EPHA6: variants seen among roughly 807,000 people sequenced by gnomAD.
EPHA6 encodes the protein EPH receptor A6, also known as ephrin type-A receptor 6.
Under a neutral mutation model 112.0 loss-of-function variants are expected in EPHA6, and 50 were observed. That is an observed-to-expected ratio of 0.45 (90% CI 0.36 to 0.56). The LOEUF (loss-of-function observed/expected upper bound fraction) is 0.56, where lower values mean the gene tolerates loss of function less well. Among genes scored for constraint, EPHA6 ranks in the 20% least tolerant of loss-of-function variants. The pLI is 0.00. For missense variants in EPHA6, 1,280 were observed against 1,417.4 expected (o/e 0.90, Z 1.56); for synonymous variants, 529 against 490.7 (o/e 1.08, Z -1.03).
chr3:97,022,625 A>C (rs976647154), intron 3 of EPHA6, among the ~76,000 whole-genome samples: 3 of 152,126 alleles, frequency 2.0e-5, no homozygotes, highest in African/African-American at 4.8e-5. Flanking sequence ...ATCAGATTGC[A>C]GTCTTCTTTT....
intron 11 of EPHA6, among the ~76,000 whole-genome samples, chr3:97,567,796 A>T (rs563104869): frequency 6.6e-6 from 1 of 152,270 alleles, no homozygotes; most frequent in African/African-American, 2.4e-5. Flanking sequence ...ACAGGTCCTG[A>T]AGACAGGAGG....
intron 11 of EPHA6, among the ~76,000 whole-genome samples, chr3:97,588,921 G>A (rs753357627): frequency 3.9e-5 from 6 of 152,056 alleles, no homozygotes; most frequent in East Asian, 3.8e-4. Context: ...ATACATGTGC[G>A]GGTTTGTTAC....
intron 3 of EPHA6, among the ~76,000 whole-genome samples, chr3:97,033,936 A>G (rs1183178238): frequency 6.6e-6 from 1 of 151,996 alleles, no homozygotes; most frequent in East Asian, 1.9e-4. Context: ...ATATTTTCTG[A>G]GAATTGTTCT....
intron 11 of EPHA6, among the ~76,000 whole-genome samples, chr3:97,534,454 C>T (rs893551408): frequency 1.3e-5 from 2 of 148,852 alleles, no homozygotes; most frequent in Non-Finnish European, 3.0e-5. Context: ...TAAAACCCAC[C>T]CCCCCCTTTT....
At chr3:97,085,953 A>G (rs1260601521) in intron 3 of EPHA6, among the ~76,000 whole-genome samples, 1 of 148,368 alleles carries the variant, frequency 6.7e-6, no homozygotes, top group Non-Finnish European at 1.5e-5. Flanking sequence ...ATATATACAC[A>G]CTGAGATGGA....
Position 97,509,085 on chromosome 3 carries a change from A to C in EPHA6, c.2201-23273A>C, listed in dbSNP as rs1279761876. Among the ~76,000 whole-genome samples the C allele has an allele frequency of 2.2e-5, 3 of 136,084 alleles. No individual in the cohort carries two copies. The East Asian group carries it at 6.7e-4, about 31-fold the overall frequency. 89.3% of individuals were successfully genotyped at this position (136,084 alleles called of 152,430 possible). ...ACTTTGAGCCTGTGTGTGTCTTTGC[A>C]CATGAGATGAGTCTCCTGAATACAG... On this transcript the variant is annotated intron_variant, in intron 10 of 17. Transcript: ENST00000389672.
At chr3:97,282,925 C>T (rs892379324) in intron 5 of EPHA6, among the ~76,000 whole-genome samples, 36 of 152,034 alleles carry the variant, frequency 2.4e-4, no homozygotes, top group African/African-American at 8.5e-4. Context: ...TACAGCAAAC[C>T]ACCATGACAC....
intron 1 of EPHA6, among the ~76,000 whole-genome samples, chr3:96,815,985 G>A (rs2032747779): frequency 6.6e-6 from 1 of 152,126 alleles, no homozygotes; most frequent in Admixed American, 6.5e-5. Context: ...ATGTGTGGTA[G>A]TCAGTTATAG....
intron 16 of EPHA6, among the ~76,000 whole-genome samples, chr3:97,746,393 A>G (rs566830701): frequency 6.6e-6 from 1 of 151,758 alleles, no homozygotes; most frequent in Non-Finnish European, 1.5e-5. Context: ...CACTTTTACC[A>G]CCAAGTATTT....
At chr3:97,063,242 C>T (rs1206695659) in intron 3 of EPHA6, among the ~76,000 whole-genome samples, 1 of 152,102 alleles carries the variant, frequency 6.6e-6, no homozygotes, top group Non-Finnish European at 1.5e-5. Flanking sequence ...TATAAAGATG[C>T]ATGCATGTGT....
chr3:97,328,078 T>TATATATATATATATATATATATAA (rs1309698190), intron 5 of EPHA6, among the ~76,000 whole-genome samples: 1 of 138,420 alleles, frequency 7.2e-6, no homozygotes, highest in African/African-American at 3.0e-5. Flanking sequence ...TATATATATA[T>TATATATATATATATATATATATAA]AACCTGTTTT....
intron 3 of EPHA6, among the ~76,000 whole-genome samples, chr3:97,132,415 G>C (rs550355082): frequency 6.6e-6 from 1 of 152,020 alleles, no homozygotes; most frequent in Non-Finnish European, 1.5e-5. Context: ...GTGAAAAACT[G>C]TAAAATCATT....
At chr3:97,513,487 T>C (rs1422458062) in intron 10 of EPHA6, among the ~76,000 whole-genome samples, 1 of 152,162 alleles carries the variant, frequency 6.6e-6, no homozygotes, top group Non-Finnish European at 1.5e-5. Flanking sequence ...TAGAATACTA[T>C]TCAGCCATAG....
chr3:97,606,878 G>T (rs2093683768), intron 12 of EPHA6, among the ~76,000 whole-genome samples: 1 of 150,932 alleles, frequency 6.6e-6, no homozygotes, highest in Non-Finnish European at 1.5e-5. Context: ...GTCCTGAGTT[G>T]CAACTGGGGG....
intron 2 of EPHA6, among the ~76,000 whole-genome samples, chr3:96,918,558 G>T (rs896888099): frequency 2.0e-5 from 3 of 151,976 alleles, no homozygotes; most frequent in Non-Finnish European, 2.9e-5. Context: ...CAAATACAGT[G>T]CAATTTTATA....
intron 3 of EPHA6, chr3:97,010,074 A>G: frequency 1.5e-6 from 2 of 1,291,500 alleles, no homozygotes; most frequent in Non-Finnish European, 2.0e-6. Flanking sequence ...TTTGAAGAAT[A>G]AAAGAAAAAG....
chr3:97,675,807 A>T (rs2031321972), intron 14 of EPHA6, among the ~76,000 whole-genome samples: 1 of 152,190 alleles, frequency 6.6e-6, no homozygotes, highest in South Asian at 2.1e-4. Flanking sequence ...TAGTCTTTTA[A>T]AAAGTAAAAG....
At chr3:97,603,897 G>A (rs12489864) in intron 12 of EPHA6, among the ~76,000 whole-genome samples, 6,565 of 151,774 alleles carry the variant, frequency 0.043, 603 homozygotes, top group East Asian at 0.4. Context: ...ACTGACACTA[G>A]TCATTTTACT....
At chr3:97,193,263 A>G (rs779382042) in intron 3 of EPHA6, among the ~76,000 whole-genome samples, 2 of 152,140 alleles carry the variant, frequency 1.3e-5, no homozygotes, top group African/African-American at 4.8e-5. Context: ...TATTCTTCCA[A>G]CCTATGAACA....
Sources: gnomAD v4.1 joint callset for allele counts (sites outside exome capture counted in the v4.1 genomes callset) on GRCh38, gnomAD v4.1.1 for gene constraint, MANE v1.5 for transcripts, NCBI Gene and HGNC (gene_info 2026-07-23, HGNC 2026-07-21) for gene names.